Variants in HEBP2 observed in about 807,000 individuals in gnomAD.
The protein encoded by HEBP2 is heme binding protein 2.
Under a neutral mutation model 23.1 loss-of-function variants are expected in HEBP2, and 27 were observed. That is an observed-to-expected ratio of 1.17 (90% CI 0.86 to 1.61). The LOEUF is 1.61. Among genes scored for constraint, HEBP2 ranks in the 40% most tolerant of loss-of-function variants. The pLI is 0.00. For missense variants in HEBP2, 245 were observed against 253.8 expected (o/e 0.97, Z 0.24); for synonymous variants, 99 against 95.1 (o/e 1.04, Z -0.24).
Position 138,413,146 on chromosome 6 carries a change from A to G in HEBP2, c.*68A>G. On this transcript the variant is annotated 3_prime_UTR_variant, in exon 4 of 4. Coordinates refer to ENST00000607197, the MANE Select transcript of HEBP2 (RefSeq NM_014320.3). ...TTTATCATAGACATCAACATGACCT[A>G]TAAGTAAAGTGCGTGTCTAGTGTCT... 4 of 1,217,066 alleles carry G rather than the reference A, an allele frequency of 3.3e-6. No individual in the cohort carries two copies. Among genetic ancestry groups the G allele is most frequent in the Non-Finnish European group, 3.6e-6 (3 of 830,426 alleles). 75.4% of individuals were successfully genotyped at this position (1,217,066 alleles called of 1,614,324 possible).
intron 3 of HEBP2, chr6:138,412,314 G>A (rs991440377): frequency 1.6e-5 from 4 of 250,426 alleles, no homozygotes; most frequent in Non-Finnish European, 3.2e-5. Flanking sequence ...TTGAGATTGT[G>A]TAGGTTCCAA....
chr6:138,411,814 TCCGATGTGCA>T (rs1774750112), intron 3 of HEBP2, among the ~76,000 whole-genome samples: 2 of 152,102 alleles, frequency 1.3e-5, no homozygotes, highest in Non-Finnish European at 2.9e-5. Flanking sequence ...AAAAAATTAG[TCCGATGTGCA>T]CCTGTGGTTC....
Position 138,404,569 on chromosome 6 carries a change from G to A in HEBP2, c.74G>A (p.Trp25Ter). The A allele has an allele frequency of 2.3e-6, 3 of 1,308,188 alleles. No homozygotes were observed. The highest frequency in any genetic ancestry group is 1.9e-6 in the Non-Finnish European group (2 of 1,028,212). 81.0% of individuals were successfully genotyped at this position (1,308,188 alleles called of 1,614,324 possible). A position where few individuals can be genotyped will look rare whatever the true frequency, so the allele number is the denominator to read the frequency against. The stretch of plus-strand genomic sequence containing the variant: ...GCCCAAGCTGTGGAGACGCCGGGCT[G>A]GAAGGCCCCGGAGGACGCCGGCCCC... ...AAAQAVETPG[W>*]KAPEDAGPQP... The change falls in exon 1 of 4, where the codon TGG (tryptophan) becomes TAG (stop). Residue 25 changes from tryptophan (W) to a stop codon, truncating the protein, a stop_gained. Transcript: ENST00000607197. LOFTEE classifies it high-confidence loss of function.
Position 138,404,242 on chromosome 6 carries a change from CG to C in HEBP2, c.-249del. 1 of 316,652 alleles carries C rather than the reference CG, an allele frequency of 3.2e-6. No homozygotes were observed. Among genetic ancestry groups the C allele is most frequent in the Non-Finnish European group, 5.7e-6 (1 of 174,086 alleles). 19.6% of individuals were successfully genotyped at this position (316,652 alleles called of 1,614,324 possible). A position where few individuals can be genotyped will look rare whatever the true frequency, so the allele number is the denominator to read the frequency against. On this transcript the variant is annotated 5_prime_UTR_variant, in exon 1 of 4. Transcript: ENST00000607197. ...GCGGCTCCCTGTCGCCGCGGAGGGG[CG>C]GGGGCAGGACGCGCAACTCCGGCCG...
At position 138,413,208 on chromosome 6, in the gene HEBP2, CA is replaced by C. The variant is rs1774782611; in HGVS notation, c.*132del. On this transcript the variant is annotated 3_prime_UTR_variant, in exon 4 of 4. Transcript: ENST00000607197. Reference sequence around the variant, plus strand: ...TACTACTATTAATTAAGCTTATTTCCAATGTGCCTTTTTAATGCTTGAAGTT... The same window carrying C: ...TACTACTATTAATTAAGCTTATTTCCATGTGCCTTTTTAATGCTTGAAGTT... The C allele has an allele frequency of 1.4e-6, 1 of 695,426 alleles. No homozygotes were observed. Among genetic ancestry groups the C allele is most frequent in the East Asian group, 2.7e-5 (1 of 37,234 alleles). The allele number at this position is 695,426 out of a possible 1,614,324, so 43.1% of individuals were successfully genotyped here.
In HEBP2 at chr6:138,409,684, T is replaced by G. The variant is rs143808976; in HGVS notation, c.420-3196T>G. 3.1e-3 allele frequency among the ~76,000 whole-genome samples: 474 copies of G among 152,296 alleles called. 3 individuals are homozygous for G. The highest frequency in any genetic ancestry group is 0.011 in the African/African-American group (457 of 41,558). ...TTACCACAATGACAAAAGCCCAAAA[T>G]CTCCGTTGGATTCCTCTTGCCTCCC... On this transcript the variant is annotated intron_variant, in intron 3 of 3. Coordinates refer to ENST00000607197, the MANE Select transcript of HEBP2 (RefSeq NM_014320.3).
At chr6:138,405,638 A>G (rs746879088) in intron 2 of HEBP2, among the ~76,000 whole-genome samples, 1 of 152,196 alleles carries the variant, frequency 6.6e-6, no homozygotes, top group Non-Finnish European at 1.5e-5. Context: ...CTTTGCTGCT[A>G]TTTATATTTT....
rs1774806379 is a variant in HEBP2, at chr6:138,414,363, G to T, written c.*1285G>T. 2 of 152,236 alleles carry T rather than the reference G, an allele frequency of 1.3e-5. No homozygotes were observed. The highest frequency in any genetic ancestry group is 4.8e-5 in the African/African-American group (2 of 41,456). The allele number at this position is 152,236 out of a possible 1,614,324, so 9.4% of individuals were successfully genotyped here. On this transcript the variant is annotated 3_prime_UTR_variant, in exon 4 of 4. Coordinates refer to ENST00000607197, the MANE Select transcript of HEBP2 (RefSeq NM_014320.3). ...AGGGAGCTTTAGTTGTGGGGATGCAGTTACCAGAGTGAGGCCGCTGCTGAT... is the reference window on the plus strand; with the variant it reads ...AGGGAGCTTTAGTTGTGGGGATGCATTTACCAGAGTGAGGCCGCTGCTGAT...
At chr6:138,407,161 T>C (rs1298194636) in intron 3 of HEBP2, among the ~76,000 whole-genome samples, 1 of 152,124 alleles carries the variant, frequency 6.6e-6, no homozygotes, top group Admixed American at 6.5e-5. Context: ...GCCTCAAAAG[T>C]CTTAATTCAT....
At chr6:138,409,374 T>C (rs1199011280) in intron 3 of HEBP2, among the ~76,000 whole-genome samples, 1 of 142,472 alleles carries the variant, frequency 7.0e-6, no homozygotes, top group East Asian at 1.9e-4. Context: ...TCCTGACAAT[T>C]GATTGTCAAA....
At position 138,411,679 on chromosome 6, in the gene HEBP2, C is replaced by A. The variant is rs184182669; in HGVS notation, c.420-1201C>A. Among the ~76,000 whole-genome samples, 7 of 152,304 alleles carry A rather than the reference C, an allele frequency of 4.6e-5. No individual in the cohort carries two copies. The East Asian group carries it at 9.7e-4, about 21-fold the overall frequency. Reference sequence around the variant, plus strand: ...CCTGTTTAAAACCCTTCTCAGAGGCCGGGCGTGGTGGCTTATGCCTATAAT... The same window carrying A: ...CCTGTTTAAAACCCTTCTCAGAGGCAGGGCGTGGTGGCTTATGCCTATAAT... On this transcript the variant is annotated intron_variant, in intron 3 of 3. Transcript: ENST00000607197.
chr6:138,405,472 T>G (rs1289914207), intron 2 of HEBP2, among the ~76,000 whole-genome samples, 192 bp downstream of exon 2: 1 of 152,218 alleles, frequency 6.6e-6, no homozygotes, highest in Non-Finnish European at 1.5e-5. Flanking sequence ...CTCTGTTCTC[T>G]GATTTTGCTG....
At chr6:138,412,078 C>T (rs1248484218) in intron 3 of HEBP2, 2 of 449,018 alleles carry the variant, frequency 4.5e-6, no homozygotes, top group African/African-American at 2.0e-5. Context: ...TATTCTTTTC[C>T]TTAGGAGAGG....
At chr6:138,409,866 A>G (rs1774714485) in intron 3 of HEBP2, among the ~76,000 whole-genome samples, 1 of 152,188 alleles carries the variant, frequency 6.6e-6, no homozygotes, top group Non-Finnish European at 1.5e-5. Context: ...CAGGCACGTT[A>G]GTCCACTTTT....
In HEBP2 at chr6:138,421,455, A is replaced by G. The variant is rs536424982; in HGVS notation, c.*8377A>G. On this transcript the variant is annotated 3_prime_UTR_variant, in exon 4 of 4. Transcript: ENST00000607197. ...GAAATAGTAGGATGGCAGAAAGCAG[A>G]TCGCATTGAGGTTGTTTCCAACTGA... 2.0e-5 allele frequency: 3 copies of G among 152,358 alleles called. No individual in the cohort carries two copies. Among genetic ancestry groups the G allele is most frequent in the African/African-American group, 7.2e-5 (3 of 41,562 alleles). 9.4% of individuals were successfully genotyped at this position (152,358 alleles called of 1,614,324 possible). A position where few individuals can be genotyped will look rare whatever the true frequency, so the allele number is the denominator to read the frequency against.
chr6:138,411,203 A>G (rs942892588), intron 3 of HEBP2, among the ~76,000 whole-genome samples: 12 of 152,208 alleles, frequency 7.9e-5, no homozygotes, highest in South Asian at 2.1e-4. Flanking sequence ...ATTTAATCTC[A>G]GGATGTTTTT....
chr6:138,410,042 T>C (rs1439659558), intron 3 of HEBP2, among the ~76,000 whole-genome samples: 1 of 152,204 alleles, frequency 6.6e-6, no homozygotes, highest in African/African-American at 2.4e-5. Flanking sequence ...GGAGAGCCCA[T>C]TGCCACCCTA....
At chr6:138,403,540 G>A, upstream of HEBP2, 1 of 487,856 alleles carries the variant, frequency 2.0e-6, no homozygotes, top group Admixed American at 3.5e-5. Context: ...GCCCCGGAGA[G>A]CCTCGGAGCT....
chr6:138,409,892 CCT>C (rs1284840022), intron 3 of HEBP2, among the ~76,000 whole-genome samples: 3 of 152,158 alleles, frequency 2.0e-5, no homozygotes, highest in African/African-American at 7.2e-5. Context: ...CTAAAATTTC[CCT>C]GTTTTAAAAT....
Sources: allele counts gnomAD v4.1 joint callset (sites outside exome capture counted in the v4.1 genomes callset), GRCh38; gene constraint gnomAD v4.1.1; transcripts MANE v1.5; gene names NCBI Gene and HGNC (gene_info 2026-07-23, HGNC 2026-07-21).